The following DRD3 variants were observed in gnomAD, a reference collection of about 807,000 sequenced individuals.
The protein encoded by DRD3 is D(3) dopamine receptor.
In DRD3, 19 loss-of-function variants were observed where a neutral mutation model predicts 36.3. That is an observed-to-expected ratio of 0.52 (90% CI 0.36 to 0.77). DRD3 has a LOEUF of 0.77. Ranked by LOEUF, DRD3 falls within the 30% of genes least tolerant of loss-of-function variation. DRD3 has a pLI of 0.00. For synonymous variants in DRD3, 195 were observed against 203.7 expected (o/e 0.96, Z 0.36); for missense variants, 465 against 505.3 (o/e 0.92, Z 0.77).
intron 3 of DRD3, among the ~76,000 whole-genome samples, chr3:114,149,222 T>C (rs1031124361): frequency 6.6e-6 from 1 of 152,202 alleles, no homozygotes; most frequent in African/African-American, 2.4e-5. Flanking sequence ...CACTGGGTGA[T>C]GTGTTAGAGA....
At chr3:114,130,226 T>C (rs2077416848) in intron 6 of DRD3, among the ~76,000 whole-genome samples, 1 of 152,044 alleles carries the variant, frequency 6.6e-6, no homozygotes. Flanking sequence ...GCCACTGCAC[T>C]CCAGCCTAGG....
intron 4 of DRD3, among the ~76,000 whole-genome samples, chr3:114,140,956 C>G (rs570109525): frequency 6.6e-6 from 1 of 152,164 alleles, no homozygotes; most frequent in African/African-American, 2.4e-5. Flanking sequence ...AGCCAGAGAG[C>G]CTTCAGTGTG....
chr3:114,130,570 G>A (rs1474975098), intron 6 of DRD3, among the ~76,000 whole-genome samples: 3 of 151,916 alleles, frequency 2.0e-5, no homozygotes, highest in Non-Finnish European at 2.9e-5. Flanking sequence ...GACTACAGGC[G>A]CCCACCACCA....
intron 1 of DRD3, among the ~76,000 whole-genome samples, chr3:114,190,764 A>G (rs2078006990): frequency 6.6e-6 from 1 of 152,082 alleles, no homozygotes; most frequent in Admixed American, 6.6e-5. Flanking sequence ...AGGGTAGAAC[A>G]TGCACATCTG....
At position 114,188,819 on chromosome 3, in the gene DRD3, C is replaced by T. The variant is rs140838889; in HGVS notation, c.-155-10043G>A. On this transcript the variant is annotated intron_variant, in intron 1 of 7. Transcript: ENST00000460779. ...GAGTCATAAAGGAAAAGAGGGGACACCTGAATAAAATGTGGAATTTTTGCT... is the reference window on the plus strand; with the variant it reads ...GAGTCATAAAGGAAAAGAGGGGACATCTGAATAAAATGTGGAATTTTTGCT... 3.1e-4 allele frequency among the ~76,000 whole-genome samples: 47 copies of T among 152,210 alleles called. 1 individual carries two copies. Among genetic ancestry groups the T allele is most frequent in the Non-Finnish European group, 6.2e-4 (42 of 67,994 alleles).
intron 3 of DRD3, among the ~76,000 whole-genome samples, chr3:114,151,686 G>T (rs538655658): frequency 6.6e-6 from 1 of 152,262 alleles, no homozygotes; most frequent in South Asian, 2.1e-4. Context: ...GGGAACCCTG[G>T]CTCTATCCCA....
chr3:114,168,238 ATGT>A (rs919217727), intron 2 of DRD3, among the ~76,000 whole-genome samples: 1 of 152,196 alleles, frequency 6.6e-6, no homozygotes, highest in Admixed American at 6.5e-5. Context: ...AGGGTGGAAA[ATGT>A]TGTTGTCACC....
At chr3:114,169,718 A>G (rs2077821221) in intron 2 of DRD3, among the ~76,000 whole-genome samples, 1 of 152,084 alleles carries the variant, frequency 6.6e-6, no homozygotes, top group Non-Finnish European at 1.5e-5. Flanking sequence ...TTCTATGCTC[A>G]GTAGTAGAAT....
intron 1 of DRD3, among the ~76,000 whole-genome samples, chr3:114,178,411 C>T (rs1026600264): frequency 6.6e-6 from 1 of 151,960 alleles, no homozygotes; most frequent in Non-Finnish European, 1.5e-5. Context: ...CTTGATATAG[C>T]TTCTAGAGCC....
chr3:114,190,411 A>ATAT (rs2077998271), intron 1 of DRD3, among the ~76,000 whole-genome samples: 1 of 40,870 alleles, frequency 2.4e-5, no homozygotes. Flanking sequence ...GAAAAAGGAT[A>ATAT]ATATATATAT....
In DRD3 at chr3:114,128,788, G is replaced by A. The variant is rs1190420085; in HGVS notation, c.1131C>T (p.Ala377=). The A allele has an allele frequency of 1.2e-5, 19 of 1,613,942 alleles. No homozygotes were observed. The highest frequency in any genetic ancestry group is 1.6e-5 in the Non-Finnish European group (19 of 1,179,960). Residue 377 remains alanine (A), a synonymous_variant, in exon 7 of 7, where the codon GCC becomes GCT. Transcript: ENST00000383673. ...AGGTGGTATAGATCACAGGGTTGAG[G>A]GCGCTATTCACGTAGCCCAGCCATG... is the stretch of plus-strand genomic sequence containing the variant. ...ATTWLGYVNS[A]LNPVIYTTFN...
chr3:114,133,524 A>AG (rs202120366), intron 5 of DRD3, among the ~76,000 whole-genome samples: 5,055 of 151,696 alleles, frequency 0.033, 138 homozygotes, highest in East Asian at 0.06. Flanking sequence ...ATTAAAAAAA[A>AG]AAAAAGAAAA....
intron 1 of DRD3, among the ~76,000 whole-genome samples, chr3:114,189,824 A>G (rs1431469786): frequency 6.6e-6 from 1 of 152,206 alleles, no homozygotes; most frequent in Non-Finnish European, 1.5e-5. Flanking sequence ...ATGACTCCCC[A>G]GCCTGAACCC....
intron 3 of DRD3, 36 bp downstream of exon 3, chr3:114,159,719 C>A: frequency 6.3e-7 from 1 of 1,596,330 alleles, no homozygotes; most frequent in East Asian, 2.2e-5. Flanking sequence ...ACTTCCCCAG[C>A]TTTTGGGCCA....
chr3:114,182,070 C>T (rs1299680624), upstream of DRD3, among the ~76,000 whole-genome samples: 2 of 152,198 alleles, frequency 1.3e-5, no homozygotes, highest in Non-Finnish European at 2.9e-5. Flanking sequence ...CTGCATGATA[C>T]TGATCTGGTC....
chr3:114,138,074 C>G (rs1160823774), intron 5 of DRD3, among the ~76,000 whole-genome samples: 1 of 146,468 alleles, frequency 6.8e-6, no homozygotes, highest in African/African-American at 2.5e-5. Context: ...GAGGCAGAGG[C>G]ACGAGAATCG....
At chr3:114,179,985 A>G (rs1262614485), upstream of DRD3, among the ~76,000 whole-genome samples, 1 of 152,110 alleles carries the variant, frequency 6.6e-6, no homozygotes, top group South Asian at 2.1e-4. Context: ...TAATTTATGG[A>G]TAGGAAAATT....
intron 2 of DRD3, among the ~76,000 whole-genome samples, chr3:114,164,709 G>A (rs557914300): frequency 6.6e-6 from 1 of 152,258 alleles, no homozygotes; most frequent in Admixed American, 6.5e-5. Context: ...GATTTCGTTA[G>A]CTTCATGATC....
intron 3 of DRD3, among the ~76,000 whole-genome samples, chr3:114,152,263 G>T (rs2077625138): frequency 6.6e-6 from 1 of 152,092 alleles, no homozygotes; most frequent in African/African-American, 2.4e-5. Flanking sequence ...CCTCCTTGGG[G>T]ATTCTTCCCC....
Sources: allele counts gnomAD v4.1 joint callset (sites outside exome capture counted in the v4.1 genomes callset), GRCh38; gene constraint gnomAD v4.1.1; transcripts MANE v1.5; gene names NCBI Gene and HGNC (gene_info 2026-07-23, HGNC 2026-07-21).